Variants in STX8 observed in about 807,000 individuals in gnomAD.
STX8 encodes syntaxin 8, also known as syntaxin-8.
Under a neutral mutation model 37.5 loss-of-function variants are expected in STX8, and 23 were observed. That is an observed-to-expected ratio of 0.61 (90% CI 0.44 to 0.87). The LOEUF is 0.87. Ranked by LOEUF, STX8 falls within the 40% of genes least tolerant of loss-of-function variation. The pLI is 0.00. For missense variants in STX8, 313 were observed against 284.7 expected, an observed-to-expected ratio of 1.10 and a Z score of -0.71; for synonymous variants, 115 against 99.1, an observed-to-expected ratio of 1.16 and a Z score of -0.95.
intron 3 of STX8, among the ~76,000 whole-genome samples, chr17:9,552,372 CAA>C (rs1035311796): frequency 6.6e-6 from 1 of 152,102 alleles, no homozygotes; most frequent in Non-Finnish European, 1.5e-5. Context: ...TCTTATAAAT[CAA>C]AAAACTTCTG....
At chr17:9,476,460 CT>C (rs547611818) in intron 6 of STX8, among the ~76,000 whole-genome samples, 48 of 144,668 alleles carry the variant, frequency 3.3e-4, no homozygotes, top group Admixed American at 1.3e-3. Flanking sequence ...TTTTTTTTTT[CT>C]TTTTTTTTTG....
chr17:9,496,277 T>C (rs1296140412), intron 5 of STX8, among the ~76,000 whole-genome samples: 3 of 152,134 alleles, frequency 2.0e-5, no homozygotes, highest in Non-Finnish European at 4.4e-5. Context: ...GGTTTTGCCA[T>C]GTTGGCCAGG....
intron 4 of STX8, among the ~76,000 whole-genome samples, chr17:9,517,831 G>A (rs1401349551): frequency 1.4e-5 from 2 of 147,840 alleles, no homozygotes; most frequent in Admixed American, 1.3e-4. Context: ...ACTTAAGGCA[G>A]CCTTGAAGAA....
intron 7 of STX8, among the ~76,000 whole-genome samples, chr17:9,268,924 A>G (rs2142136376): frequency 6.6e-6 from 1 of 152,310 alleles, no homozygotes; most frequent in South Asian, 2.1e-4. Flanking sequence ...GCAGTGGCTC[A>G]CGCCTGTAAT....
intron 7 of STX8, among the ~76,000 whole-genome samples, chr17:9,291,210 C>T (rs1256676828): frequency 2.6e-5 from 4 of 151,994 alleles, no homozygotes; most frequent in Admixed American, 6.6e-5. Context: ...TTTGGGAGGC[C>T]GAAGCCGAAA....
chr17:9,393,474 A>G (rs1403269289), intron 6 of STX8, among the ~76,000 whole-genome samples: 1 of 152,204 alleles, frequency 6.6e-6, no homozygotes, highest in Non-Finnish European at 1.5e-5. Flanking sequence ...TGGTGGATGA[A>G]AACCAAACTC....
chr17:9,464,780 T>G (rs1035570393), intron 6 of STX8: 1 of 148,456 alleles, frequency 6.7e-6, no homozygotes, highest in Non-Finnish European at 1.5e-5. Context: ...TGGAGTGCAG[T>G]GGAGCAATCT....
intron 4 of STX8, among the ~76,000 whole-genome samples, chr17:9,536,281 G>A (rs547363783): frequency 6.6e-6 from 1 of 152,266 alleles, no homozygotes; most frequent in East Asian, 1.9e-4. Context: ...CACGAGAGGA[G>A]TCACTCGGAA....
chr17:9,469,522 C>A (rs1421885476), intron 6 of STX8, among the ~76,000 whole-genome samples: 5 of 152,158 alleles, frequency 3.3e-5, no homozygotes, highest in African/African-American at 1.2e-4. Context: ...TATTAATGTA[C>A]ATCCCAAGTC....
At chr17:9,426,688 G>A (rs1482575222) in intron 6 of STX8, among the ~76,000 whole-genome samples, 2 of 152,140 alleles carry the variant, frequency 1.3e-5, no homozygotes, top group African/African-American at 4.8e-5. Flanking sequence ...TTGAGCCTGG[G>A]AGGTAGAGGC....
At chr17:9,376,509 G>A (rs531533540) in intron 7 of STX8, among the ~76,000 whole-genome samples, 26 of 152,264 alleles carry the variant, frequency 1.7e-4, no homozygotes, top group South Asian at 1.0e-3. Context: ...GGACATGGGC[G>A]GAGCCAAAGA....
intron 5 of STX8, among the ~76,000 whole-genome samples, chr17:9,497,949 A>T (rs994934749): frequency 6.6e-6 from 1 of 152,210 alleles, no homozygotes; most frequent in Admixed American, 6.5e-5. Flanking sequence ...CTCCTGGCCA[A>T]TACTAGAGAG....
chr17:9,304,524 A>G (rs1263876), intron 7 of STX8, among the ~76,000 whole-genome samples: 14,734 of 144,202 alleles, frequency 0.1, 2,305 homozygotes, highest in African/African-American at 0.35. Context: ...AAAAAAAAAA[A>G]AAAAAGAAAA....
At chr17:9,488,772 C>T (rs1017377430) in intron 6 of STX8, among the ~76,000 whole-genome samples, 6 of 151,078 alleles carry the variant, frequency 4.0e-5, no homozygotes, top group African/African-American at 1.2e-4. Flanking sequence ...AACTTCTAGC[C>T]CACAGAACTG....
intron 6 of STX8, among the ~76,000 whole-genome samples, chr17:9,393,840 T>C (rs1912310141): frequency 6.6e-6 from 1 of 152,144 alleles, no homozygotes; most frequent in South Asian, 2.1e-4. Context: ...GGTGAGAGTA[T>C]GGTCGGTTTA....
chr17:9,396,435 C>A (rs1210629823), intron 6 of STX8, among the ~76,000 whole-genome samples: 1 of 151,938 alleles, frequency 6.6e-6, no homozygotes, highest in African/African-American at 2.4e-5. Context: ...TGTAATCCCG[C>A]ACTTTGGGAG....
chr17:9,510,639 T>C (rs1467887207), intron 4 of STX8, among the ~76,000 whole-genome samples: 1 of 152,044 alleles, frequency 6.6e-6, no homozygotes, highest in Non-Finnish European at 1.5e-5. Context: ...GAGGCAAGTG[T>C]ATAACAATAA....
rs1303527246 is a variant in STX8, at chr17:9,275,966, AAC to A, written c.644-25323_644-25322del. Among the ~76,000 whole-genome samples the A allele has an allele frequency of 5.3e-5, 8 of 152,276 alleles. 1 individual carries two copies. The highest frequency in any genetic ancestry group is 1.9e-4 in the African/African-American group (8 of 41,520). The stretch of plus-strand genomic sequence containing the variant: ...TCAATGACACAGTAAATGCTCAATA[AAC>A]ACTCACTTATCTTATTATTAAGGCT... On this transcript the variant is annotated intron_variant, in intron 7 of 7. Coordinates refer to ENST00000306357, the MANE Select transcript of STX8 (RefSeq NM_004853.3).
chr17:9,414,083 C>CACCCACCCACCCACCCACCCACCT (rs1185400337), intron 6 of STX8, among the ~76,000 whole-genome samples: 1 of 26,580 alleles, frequency 3.8e-5, no homozygotes, highest in Non-Finnish European at 6.9e-5. Flanking sequence ...CCCATCTGTC[C>CACCCACCCACCCACCCACCCACCT]ATCCATCCAT....
Sources: allele counts gnomAD v4.1 joint callset (sites outside exome capture counted in the v4.1 genomes callset), GRCh38; gene constraint gnomAD v4.1.1; transcripts MANE v1.5; gene names NCBI Gene and HGNC (gene_info 2026-07-23, HGNC 2026-07-21).